The following NPIPB2 variants were observed in gnomAD, a reference collection of about 807,000 sequenced individuals.
The protein encoded by NPIPB2 is nuclear pore complex-interacting protein family member B2.
A neutral mutation model predicts 30.8 loss-of-function variants in NPIPB2; 27 were observed. The ratio of observed to expected loss-of-function variants is 0.88; its 90% CI spans 0.65 to 1.21. The LOEUF (loss-of-function observed/expected upper bound fraction) is 1.21, where lower values mean the gene tolerates loss of function less well. Among genes scored for constraint, NPIPB2 ranks in the 50% most tolerant of loss-of-function variants. The pLI is 0.00. For synonymous variants in NPIPB2, 147 were observed against 162.0 expected, an observed-to-expected ratio of 0.91 and a Z score of 0.70; for missense variants, 440 against 446.2, an observed-to-expected ratio of 0.99 and a Z score of 0.13.
At chr16:11,938,164 C>G (rs1037448298) in intron 1 of NPIPB2, among the ~76,000 whole-genome samples, 5 of 151,148 alleles carry the variant, frequency 3.3e-5, no homozygotes, top group Non-Finnish European at 7.4e-5. Context: ...GATTACAGGT[C>G]TCTGCCACCA....
chr16:11,933,074 A>C (rs2054812662), intron 4 of NPIPB2, among the ~76,000 whole-genome samples: 1 of 151,870 alleles, frequency 6.6e-6, no homozygotes, highest in South Asian at 2.1e-4. Context: ...CAGCCTGGAC[A>C]ACATGGTGAA....
At chr16:11,965,288 G>A in intron 1 of NPIPB2, 1 of 1,613,018 alleles carries the variant, frequency 6.2e-7, no homozygotes, top group South Asian at 1.1e-5. Flanking sequence ...CTTCCAGGCT[G>A]TTCTTTCTGT....
chr16:11,960,872 C>CTTT (rs561398049), intron 1 of NPIPB2, among the ~76,000 whole-genome samples: 1 of 143,822 alleles, frequency 7.0e-6, no homozygotes, highest in Non-Finnish European at 1.5e-5. Context: ...TCTTTCTTTT[C>CTTT]TTTTTTTTTT....
At chr16:11,965,142 A>G (rs1226447666) in intron 1 of NPIPB2, 1 of 681,774 alleles carries the variant, frequency 1.5e-6, no homozygotes, top group Non-Finnish European at 2.5e-6. Context: ...TAGATGTGGT[A>G]TTCAAATCCT....
chr16:11,945,056 G>A (rs1200440072), upstream of NPIPB2, among the ~76,000 whole-genome samples: 1 of 151,812 alleles, frequency 6.6e-6, no homozygotes, highest in Non-Finnish European at 1.5e-5. Flanking sequence ...GCATGGTGGA[G>A]CATGCCTGTA....
intron 1 of NPIPB2, among the ~76,000 whole-genome samples, chr16:11,975,808 A>C (rs563696875): frequency 2.3e-4 from 35 of 151,984 alleles, no homozygotes; most frequent in African/African-American, 8.2e-4. Flanking sequence ...CCAGGCTGGA[A>C]TCGAACTTCT....
intron 1 of NPIPB2, among the ~76,000 whole-genome samples, chr16:11,956,453 AT>A (rs1461657601): frequency 3.9e-5 from 6 of 152,180 alleles, no homozygotes; most frequent in Non-Finnish European, 8.8e-5. Context: ...AGGCGGGCAG[AT>A]CACCTGAGGT....
intron 1 of NPIPB2, among the ~76,000 whole-genome samples, chr16:11,951,666 A>ACACACACACACACACACACACCC (rs1226047972): frequency 7.2e-6 from 1 of 138,968 alleles, no homozygotes; most frequent in Non-Finnish European, 1.6e-5. Context: ...ACACACACAC[A>ACACACACACACACACACACACCC]CCCAGCCCCC....
intron 2 of NPIPB2, among the ~76,000 whole-genome samples, chr16:11,934,354 G>A (rs2054836317): frequency 6.6e-6 from 1 of 150,888 alleles, no homozygotes; most frequent in Non-Finnish European, 1.5e-5. Context: ...GGGAGTTTGA[G>A]ACCAGCCTCA....
chr16:11,943,092 T>C (rs62040819), upstream of NPIPB2, among the ~76,000 whole-genome samples: 4,439 of 143,784 alleles, frequency 0.031, 88 homozygotes, highest in Middle Eastern at 0.041. Context: ...GAGGCCGAGG[T>C]GGGCGGATCA....
At chr16:11,947,770 G>A (rs1479196605) in intron 1 of NPIPB2, among the ~76,000 whole-genome samples, 3 of 151,720 alleles carry the variant, frequency 2.0e-5, no homozygotes, top group African/African-American at 7.3e-5. Flanking sequence ...ATTACCCCTT[G>A]TGATTTATTG....
intron 1 of NPIPB2, among the ~76,000 whole-genome samples, chr16:11,959,587 C>CAA (rs772286868): frequency 1.4e-5 from 2 of 144,094 alleles, no homozygotes; most frequent in African/African-American, 5.1e-5. Flanking sequence ...GACCCCGTCT[C>CAA]AAAAAAAAAA....
chr16:11,933,747 C>T, intron 3 of NPIPB2, 35 bp from the exon 4 acceptor site: 1 of 1,596,342 alleles, frequency 6.3e-7, no homozygotes, highest in Non-Finnish European at 8.5e-7. Context: ...AGGTGAGAAA[C>T]CTGAGGGCAA....
exon 1 of NPIPB2, chr16:11,976,618 G>C (rs921413854): frequency 8.0e-6 from 3 of 374,376 alleles, no homozygotes; most frequent in African/African-American, 2.1e-5. Context: ...CACCGGGTCC[G>C]GCGACTTGGA....
intron 1 of NPIPB2, among the ~76,000 whole-genome samples, chr16:11,965,889 C>G (rs1191358433): frequency 6.6e-6 from 1 of 152,134 alleles, no homozygotes; most frequent in Non-Finnish European, 1.5e-5. Context: ...GTGGGTGAAT[C>G]ACCTGAGGTC....
At chr16:11,953,340 T>C (rs2055084235) in intron 1 of NPIPB2, among the ~76,000 whole-genome samples, 1 of 151,862 alleles carries the variant, frequency 6.6e-6, no homozygotes, top group Non-Finnish European at 1.5e-5. Context: ...TGTTTGTTTT[T>C]GGTTTTGTTT....
chr16:11,975,429 G>A (rs1022839545), intron 1 of NPIPB2, among the ~76,000 whole-genome samples: 2 of 151,724 alleles, frequency 1.3e-5, no homozygotes, highest in Admixed American at 6.6e-5. Context: ...TTACAGGCGT[G>A]AGCCACCGCG....
At chr16:11,942,543 G>A (rs1286248097), upstream of NPIPB2, among the ~76,000 whole-genome samples, 1 of 151,940 alleles carries the variant, frequency 6.6e-6, no homozygotes, top group African/African-American at 2.4e-5. Flanking sequence ...CTTACTGCCC[G>A]TGTGTGTGGA....
At chr16:11,948,711 G>A (rs1408381321) in intron 1 of NPIPB2, among the ~76,000 whole-genome samples, 2 of 134,792 alleles carry the variant, frequency 1.5e-5, no homozygotes, top group African/African-American at 5.3e-5. Context: ...AGCTTGCAGT[G>A]AGCCGAGATC....
Sources: gnomAD v4.1 joint callset for allele counts (sites outside exome capture counted in the v4.1 genomes callset) on GRCh38, gnomAD v4.1.1 for gene constraint, MANE v1.5 for transcripts, NCBI Gene and HGNC (gene_info 2026-07-23, HGNC 2026-07-21) for gene names.